TRPM3: variants seen among roughly 807,000 people sequenced by gnomAD.
TRPM3 encodes the protein transient receptor potential cation channel subfamily M member 3.
In TRPM3, 77 loss-of-function variants were observed where a neutral mutation model predicts 181.2. The observed-to-expected ratio is 0.42, with a 90% confidence interval of 0.35 to 0.51. The LOEUF (loss-of-function observed/expected upper bound fraction) is 0.51, where lower values mean the gene tolerates loss of function less well. Ranked by LOEUF, TRPM3 falls within the 20% of genes least tolerant of loss-of-function variation. The pLI is 0.01. For synonymous variants in TRPM3, 745 were observed against 796.4 expected (o/e 0.94, Z 1.09); for missense variants, 1,759 against 2,196.7 (o/e 0.80, Z 3.98).
intron 1 of TRPM3, among the ~76,000 whole-genome samples, chr9:70,932,608 G>T (rs1334383822): frequency 6.6e-6 from 1 of 152,160 alleles, no homozygotes; most frequent in East Asian, 1.9e-4. Flanking sequence ...TTCCAAAGAA[G>T]AGTTATATCA....
intron 1 of TRPM3, among the ~76,000 whole-genome samples, chr9:71,225,325 C>T (rs552855831): frequency 6.6e-6 from 1 of 151,258 alleles, no homozygotes; most frequent in Non-Finnish European, 1.5e-5. Context: ...AGTGGCATGA[C>T]GTAAAGTGGT....
chr9:71,242,117 G>A (rs2081737214), intron 1 of TRPM3, among the ~76,000 whole-genome samples: 1 of 152,192 alleles, frequency 6.6e-6, no homozygotes, highest in African/African-American at 2.4e-5. Context: ...AGATAGATGG[G>A]TAAAGCAGTA....
intron 1 of TRPM3, among the ~76,000 whole-genome samples, chr9:71,048,625 C>A (rs571960699): frequency 2.0e-5 from 3 of 152,178 alleles, no homozygotes; most frequent in African/African-American, 7.2e-5. Context: ...GAAGGTAGAA[C>A]CATGTTCCAC....
At chr9:70,844,964 A>G (rs1298006772) in intron 4 of TRPM3, among the ~76,000 whole-genome samples, 3 of 152,172 alleles carry the variant, frequency 2.0e-5, no homozygotes, top group South Asian at 2.1e-4. Context: ...ACAGTCATTG[A>G]AAGAAAAATT....
At chr9:70,749,947 A>C (rs993198236) in intron 8 of TRPM3, among the ~76,000 whole-genome samples, 1 of 152,202 alleles carries the variant, frequency 6.6e-6, no homozygotes, top group African/African-American at 2.4e-5. Flanking sequence ...CTTTCTTGAC[A>C]GTCACTGCAT....
At chr9:71,081,814 T>C (rs576066674) in intron 1 of TRPM3, among the ~76,000 whole-genome samples, 4 of 152,262 alleles carry the variant, frequency 2.6e-5, no homozygotes, top group Admixed American at 2.0e-4. Flanking sequence ...GTTTTGGCAT[T>C]AAGCAATTCT....
intron 1 of TRPM3, among the ~76,000 whole-genome samples, chr9:71,286,959 A>C (rs897322624): frequency 8.8e-5 from 8 of 90,526 alleles, no homozygotes; most frequent in African/African-American, 3.8e-4. Context: ...ATTTTATATA[A>C]ATTATATATA....
intron 25 of TRPM3, among the ~76,000 whole-genome samples, chr9:70,539,473 A>ATT (rs57538597): frequency 0.17 from 23,381 of 137,388 alleles, 2,077 homozygotes; most frequent in African/African-American, 0.22. Context: ...CCTGCTTGTA[A>ATT]TTTTTTTTTT....
At chr9:71,360,019 A>G (rs994359568) in intron 1 of TRPM3, among the ~76,000 whole-genome samples, 6 of 152,204 alleles carry the variant, frequency 3.9e-5, no homozygotes, top group Non-Finnish European at 4.4e-5. Flanking sequence ...CACTTATTAC[A>G]TACAAAAGAA....
chr9:70,936,319 T>G (rs2096827967), intron 1 of TRPM3, among the ~76,000 whole-genome samples: 1 of 152,214 alleles, frequency 6.6e-6, no homozygotes, highest in South Asian at 2.1e-4. Flanking sequence ...AAAACTTCAT[T>G]CAATTCCATG....
chr9:71,227,728 A>G (rs1239157806), intron 1 of TRPM3, among the ~76,000 whole-genome samples: 26 of 152,162 alleles, frequency 1.7e-4, no homozygotes, highest in Non-Finnish European at 8.8e-5. Flanking sequence ...AATAAATTGG[A>G]AAACCTAGAA....
At chr9:70,597,168 G>A (rs553624153) in intron 21 of TRPM3, among the ~76,000 whole-genome samples, 25 of 152,186 alleles carry the variant, frequency 1.6e-4, no homozygotes, top group African/African-American at 6.0e-4. Context: ...CCCGACCTCA[G>A]GTGATCTGCC....
intron 1 of TRPM3, among the ~76,000 whole-genome samples, chr9:71,282,382 AGAAAG>A (rs1212528794): frequency 1.1e-5 from 1 of 90,382 alleles, no homozygotes; most frequent in African/African-American, 6.0e-5. Flanking sequence ...AAAGAAAGAA[AGAAAG>A]GAAAGAAAGA....
chr9:70,979,196 C>T (rs1590246793), intron 1 of TRPM3, among the ~76,000 whole-genome samples: 2 of 152,260 alleles, frequency 1.3e-5, no homozygotes, highest in South Asian at 4.1e-4. Flanking sequence ...TTCTCCTTAT[C>T]CCGTTACAAC....
At chr9:71,282,751 G>A (rs1204791164) in intron 1 of TRPM3, among the ~76,000 whole-genome samples, 2 of 152,130 alleles carry the variant, frequency 1.3e-5, no homozygotes, top group Non-Finnish European at 2.9e-5. Flanking sequence ...CTCTCCCAAT[G>A]TAAAATAACT....
At chr9:71,134,506 C>T (rs1021665739) in intron 1 of TRPM3, among the ~76,000 whole-genome samples, 2 of 135,316 alleles carry the variant, frequency 1.5e-5, no homozygotes, top group Non-Finnish European at 3.0e-5. Flanking sequence ...GAGCCAAGAT[C>T]GTGACAGTGC....
At chr9:71,037,506 G>T (rs988445996) in intron 1 of TRPM3, among the ~76,000 whole-genome samples, 11 of 152,238 alleles carry the variant, frequency 7.2e-5, no homozygotes, top group African/African-American at 2.7e-4. Context: ...TCAAAAGGAA[G>T]ACACTTATAC....
intron 1 of TRPM3, among the ~76,000 whole-genome samples, chr9:71,008,079 A>G (rs2097698840): frequency 6.6e-6 from 1 of 152,196 alleles, no homozygotes; most frequent in Middle Eastern, 3.4e-3. Context: ...ACTAGAGATG[A>G]AGGAGACATT....
intron 1 of TRPM3, among the ~76,000 whole-genome samples, chr9:71,082,810 A>G (rs917253571): frequency 1.9e-4 from 29 of 152,164 alleles, no homozygotes; most frequent in African/African-American, 6.5e-4. Flanking sequence ...TTCTGTGGTG[A>G]TAGAGACACA....
Sources: allele counts gnomAD v4.1 joint callset (sites outside exome capture counted in the v4.1 genomes callset), GRCh38; gene constraint gnomAD v4.1.1; transcripts MANE v1.5; gene names NCBI Gene and HGNC (gene_info 2026-07-23, HGNC 2026-07-21).